The following ATP8A2 variants were observed in gnomAD, a reference collection of about 807,000 sequenced individuals.
The protein encoded by ATP8A2 is phospholipid-transporting ATPase IB.
Under a neutral mutation model 165.6 loss-of-function variants are expected in ATP8A2, and 100 were observed. The observed-to-expected ratio is 0.60, with a 90% CI of 0.51 to 0.71. The LOEUF (loss-of-function observed/expected upper bound fraction) is 0.71. Among genes scored for constraint, ATP8A2 ranks in the 30% least tolerant of loss-of-function variants. The pLI is 0.00. For synonymous variants in ATP8A2, 543 were observed against 548.8 expected, an observed-to-expected ratio of 0.99 and a Z score of 0.15; for missense variants, 1,227 against 1,479.5, an observed-to-expected ratio of 0.83 and a Z score of 2.80.
At chr13:25,646,961 A>G (rs2041690012) in intron 24 of ATP8A2, among the ~76,000 whole-genome samples, 1 of 152,126 alleles carries the variant, frequency 6.6e-6, no homozygotes, top group Non-Finnish European at 1.5e-5. Flanking sequence ...CTGGCAGTCT[A>G]TTTCAAGCTG....
intron 28 of ATP8A2, among the ~76,000 whole-genome samples, chr13:25,832,684 G>GA (rs1195623194): frequency 5.3e-5 from 8 of 152,078 alleles, no homozygotes; most frequent in African/African-American, 1.9e-4. Flanking sequence ...AATAGAAACA[G>GA]AAAAAAGCCA....
At chr13:25,457,801 A>G (rs2035402861) in intron 1 of ATP8A2, among the ~76,000 whole-genome samples, 1 of 152,236 alleles carries the variant, frequency 6.6e-6, no homozygotes, top group Non-Finnish European at 1.5e-5. Flanking sequence ...TGTGTCTGAG[A>G]AGAAAACGTG....
At chr13:25,892,504 C>CTCTCTCTCTCTCTCTCTCTA (rs1593514953) in intron 33 of ATP8A2, among the ~76,000 whole-genome samples, 1 of 149,234 alleles carries the variant, frequency 6.7e-6, no homozygotes, top group African/African-American at 2.5e-5. Flanking sequence ...CTCTCTCTCT[C>CTCTCTCTCTCTCTCTCTCTA]CTTCCACCTG....
At chr13:25,420,324 T>C (rs942754839) in intron 1 of ATP8A2, among the ~76,000 whole-genome samples, 14 of 152,202 alleles carry the variant, frequency 9.2e-5, no homozygotes, top group African/African-American at 3.4e-4. Flanking sequence ...ACAGCGGGGC[T>C]CCGTGGCCAT....
rs902347243 is a variant in ATP8A2 at position 25,750,802 on chromosome 13, A to G, written c.2385-18244A>G. 3.4e-5 allele frequency among the ~76,000 whole-genome samples: 5 copies of G among 148,610 alleles called. No homozygotes were observed. Among genetic ancestry groups the G allele is most frequent in the South Asian group, 4.3e-4 (2 of 4,662 alleles). ...TCTGTTTTGAAAGAGTTGCTTGGGG[A>G]AAAAAAAAAGGAATCTTTTTGGAAT... On this transcript the variant is annotated intron_variant, in intron 25 of 36. Coordinates refer to ENST00000381655, the MANE Select transcript of ATP8A2 (RefSeq NM_016529.6). This position sits in a 1 kb window ranked among gnomAD's most constrained non-coding sequence, Gnocchi z 4.3.
chr13:25,852,833 G>GCCA (rs1952042634), intron 30 of ATP8A2, among the ~76,000 whole-genome samples: 4 of 151,856 alleles, frequency 2.6e-5, no homozygotes, highest in Non-Finnish European at 4.4e-5. Flanking sequence ...GTACCTGGGA[G>GCCA]GTGGAGGTTG....
intron 24 of ATP8A2, among the ~76,000 whole-genome samples, chr13:25,678,047 A>G (rs977834849): frequency 2.0e-5 from 3 of 152,220 alleles, no homozygotes; most frequent in South Asian, 4.1e-4. Context: ...TAAGATGAAC[A>G]GAACATGACT....
In ATP8A2 at chr13:25,571,702, A is replaced by G. The variant is rs1158824090; in HGVS notation, c.1662+10A>G. 3 of 1,609,126 alleles carry G rather than the reference A, an allele frequency of 1.9e-6. No homozygotes were observed. Among genetic ancestry groups the G allele is most frequent in the Admixed American group, 3.3e-5 (2 of 60,008 alleles). ...AGTCATCATAGAAGCGGTGAGTAAC[A>G]TGCGTGTGCACATTTCAGATCACCT... On this transcript the variant is annotated intron_variant, in intron 18 of 36. Coordinates refer to ENST00000381655, the MANE Select transcript of ATP8A2 (RefSeq NM_016529.6).
chr13:25,528,439 A>AT (rs1387448097), intron 2 of ATP8A2, among the ~76,000 whole-genome samples: 1 of 152,234 alleles, frequency 6.6e-6, no homozygotes, highest in Non-Finnish European at 1.5e-5. Context: ...GCAGTGGCAG[A>AT]TGGGACTATT....
intron 36 of ATP8A2, among the ~76,000 whole-genome samples, chr13:26,016,795 CAG>C (rs1210190606): frequency 1.3e-5 from 2 of 152,126 alleles, no homozygotes. Context: ...CTAGCACTGA[CAG>C]AGGGAGAGAA....
chr13:25,858,860 T>C (rs1374231173), intron 30 of ATP8A2, among the ~76,000 whole-genome samples: 2 of 152,000 alleles, frequency 1.3e-5, no homozygotes, highest in Admixed American at 1.3e-4. Context: ...AAGAGAACAA[T>C]AGATGCCGGA....
intron 15 of ATP8A2, among the ~76,000 whole-genome samples, 187 bp from the exon 16 acceptor site, chr13:25,563,769 G>C (rs1363413759): frequency 6.6e-6 from 1 of 152,088 alleles, no homozygotes; most frequent in Non-Finnish European, 1.5e-5. Flanking sequence ...CTTATTTATA[G>C]TAAACTCCAG....
At chr13:25,927,498 C>G (rs370616031) in intron 33 of ATP8A2, among the ~76,000 whole-genome samples, 4 of 151,864 alleles carry the variant, frequency 2.6e-5, no homozygotes, top group African/African-American at 9.7e-5. Flanking sequence ...CAGCAGAGTC[C>G]GAAAAGAAAT....
chr13:26,012,568 C>G lies in ATP8A2; in HGVS notation c.3415C>G (p.Arg1139Gly), dbSNP rs1021487437. 2.0e-5 allele frequency: 31 copies of G among 1,531,704 alleles called. No homozygotes were observed. In the Admixed American group the frequency reaches 2.5e-4, roughly 12 times the overall value. 94.9% of individuals were successfully genotyped at this position (1,531,704 alleles called of 1,614,324 possible). Residue 1139 changes from arginine to glycine, a missense_variant, in exon 36 of 37, where the codon CGG (arginine) becomes GGG (glycine). By Grantham distance (125) the Arg-to-Gly change is moderately radical. Around this residue, in one of 5 missense-constraint regions of ATP8A2, gnomAD observed 260 missense variants for 245.1 expected, o/e 1.06. Transcript: ENST00000381655. ...CGACCGCCTGATCAAGAGGCTGGGC[C>G]GGAAGACGCCCCCGACGCTGTTCCG... The part of the protein sequence containing the change: ...ERDRLIKRLG[R>G]KTPPTLFRGS...
chr13:25,936,948 A>G (rs1280189326), intron 33 of ATP8A2, among the ~76,000 whole-genome samples: 1 of 152,178 alleles, frequency 6.6e-6, no homozygotes. Context: ...CGCTTATTGA[A>G]GCAGCAGAAA....
chr13:25,659,176 G>A (rs146720202), intron 24 of ATP8A2, among the ~76,000 whole-genome samples: 206 of 152,264 alleles, frequency 1.4e-3, no homozygotes, highest in Middle Eastern at 0.01. Flanking sequence ...TCTTGCAAAC[G>A]GTCGTTTGAT....
intron 27 of ATP8A2, among the ~76,000 whole-genome samples, chr13:25,813,159 C>T (rs1179643136): frequency 6.6e-6 from 1 of 151,944 alleles, no homozygotes; most frequent in East Asian, 1.9e-4. Flanking sequence ...CACCATAGCA[C>T]ATGTTTACCT....
At chr13:25,814,376 C>G (rs893359432) in intron 27 of ATP8A2, among the ~76,000 whole-genome samples, 1 of 151,898 alleles carries the variant, frequency 6.6e-6, no homozygotes, top group African/African-American at 2.4e-5. Flanking sequence ...TTTGCAAAAA[C>G]AGGAAAACCT....
intron 33 of ATP8A2, among the ~76,000 whole-genome samples, chr13:25,937,876 A>G (rs1163463726): frequency 1.4e-5 from 2 of 144,880 alleles, no homozygotes; most frequent in Non-Finnish European, 3.0e-5. Context: ...AAAAAAGACC[A>G]AAGACATAGG....
Sources: allele counts gnomAD v4.1 joint callset (sites outside exome capture counted in the v4.1 genomes callset), GRCh38; gene constraint gnomAD v4.1.1; regional missense constraint gnomAD v4.1.1; non-coding constraint Gnocchi (gnomAD v3.1); transcripts MANE v1.5; gene names NCBI Gene and HGNC (gene_info 2026-07-23, HGNC 2026-07-21).